The following DNAH6 variants were observed in gnomAD, a reference collection of about 807,000 sequenced individuals.
DNAH6 encodes axonemal beta dynein heavy chain 6.
In DNAH6, 340 loss-of-function variants were observed where a neutral mutation model predicts 491.4. The observed-to-expected ratio is 0.69, with a 90% CI of 0.63 to 0.76. DNAH6 has a LOEUF of 0.76. Among genes scored for constraint, DNAH6 ranks in the 30% least tolerant of loss-of-function variants. The pLI, the probability that DNAH6 is intolerant of heterozygous loss-of-function variation, is 0.00. For synonymous variants in DNAH6, 1,603 were observed against 1,686.1 expected, an observed-to-expected ratio of 0.95 and a Z score of 1.21; for missense variants, 4,443 against 4,972.2, an observed-to-expected ratio of 0.89 and a Z score of 3.20.
intron 53 of DNAH6, among the ~76,000 whole-genome samples, 156 bp from the exon 54 acceptor site, chr2:84,707,364 G>T (rs990935508): frequency 4.6e-5 from 7 of 152,216 alleles, no homozygotes; most frequent in African/African-American, 1.4e-4. Context: ...TCTGAAATGG[G>T]AATTAATGCT....
chr2:84,672,390 G>A lies in DNAH6; in HGVS notation c.6518G>A (p.Arg2173His), dbSNP rs1692820192. The A allele has an allele frequency of 5.2e-6, 8 of 1,551,614 alleles. No homozygotes were observed. The highest frequency in any genetic ancestry group is 2.0e-5 in the Admixed American group (1 of 50,996). ...VDDLNMPRLD[R>H]YGSQPPIELL... Reference sequence around the variant, plus strand: ...GATTTAAACATGCCCAGACTGGATCGCTATGGCTCTCAGCCTCCGATTGAA... The same window carrying A: ...GATTTAAACATGCCCAGACTGGATCACTATGGCTCTCAGCCTCCGATTGAA... The change falls in exon 40 of 77, where the codon CGC (arginine) becomes CAC (histidine). Residue 2173 changes from arginine (R) to histidine (H), a missense_variant. Around this residue, in one of 3 missense-constraint regions of DNAH6, gnomAD observed 2,977 missense variants for 3,296.6 expected, o/e 0.90. Transcript: ENST00000389394.
At chr2:84,782,670 C>T (rs547784692) in intron 65 of DNAH6, among the ~76,000 whole-genome samples, 11 of 152,278 alleles carry the variant, frequency 7.2e-5, no homozygotes, top group Admixed American at 1.3e-4. Flanking sequence ...CCACTATTTC[C>T]ACTCTTTTGC....
chr2:84,554,568 A>T (rs1170587477), intron 10 of DNAH6, among the ~76,000 whole-genome samples: 2 of 152,188 alleles, frequency 1.3e-5, no homozygotes, highest in African/African-American at 2.4e-5. Flanking sequence ...GACTTTAGGA[A>T]AACCGCTTCT....
intron 68 of DNAH6, among the ~76,000 whole-genome samples, chr2:84,789,489 G>T (rs1005090366): frequency 4.6e-5 from 7 of 152,188 alleles, no homozygotes; most frequent in Non-Finnish European, 4.4e-5. Context: ...GGCTTTACCA[G>T]TACAATCCTG....
chr2:84,767,601 C>A (rs1308461305), intron 64 of DNAH6, among the ~76,000 whole-genome samples: 1 of 151,674 alleles, frequency 6.6e-6, no homozygotes, highest in Non-Finnish European at 1.5e-5. Context: ...AGTAAGAATT[C>A]AATATATCAA....
chr2:84,673,298 T>G (rs966487813), intron 40 of DNAH6, among the ~76,000 whole-genome samples: 1 of 151,994 alleles, frequency 6.6e-6, no homozygotes, highest in Non-Finnish European at 1.5e-5. Context: ...ATTTATCCTG[T>G]AAGTGCTGAG....
intron 45 of DNAH6, among the ~76,000 whole-genome samples, chr2:84,690,590 C>A (rs1439427571): frequency 6.6e-6 from 1 of 152,148 alleles, no homozygotes; most frequent in African/African-American, 2.4e-5. Flanking sequence ...AATTACCAGG[C>A]CCCTCAAGGT....
chr2:84,800,167 A>C (rs1678754572), intron 70 of DNAH6, among the ~76,000 whole-genome samples: 1 of 152,190 alleles, frequency 6.6e-6, no homozygotes, highest in Admixed American at 6.5e-5. Context: ...TGCCCCTCTG[A>C]AAGCACCCAG....
rs1197727474 is a variant in DNAH6, at chr2:84,808,520, A to G, written c.11717A>G (p.Asn3906Ser). The change falls in exon 72 of 77, where the codon AAC becomes AGC. Residue 3906 changes from asparagine (N) to serine (S), a missense_variant. This residue lies in a region of DNAH6 where 1,463 missense variants were observed against 1,656.6 expected (regional missense o/e 0.88). Coordinates refer to ENST00000389394, the MANE Select transcript of DNAH6 (RefSeq NM_001370.2). ...TVLGQEVDRF[N>S]NLLKLIHTSL... The stretch of plus-strand genomic sequence containing the variant: ...CTTGGACAGGAAGTGGACCGGTTTA[A>G]CAACCTGCTGAAGTTAATTCATGTA... The G allele has an allele frequency of 6.4e-7, 1 of 1,551,820 alleles. No individual in the cohort carries two copies. The highest frequency in any genetic ancestry group is 2.0e-5 in the Admixed American group (1 of 50,986).
At chr2:84,775,995 A>C (rs1370307686) in intron 64 of DNAH6, among the ~76,000 whole-genome samples, 2 of 152,036 alleles carry the variant, frequency 1.3e-5, no homozygotes, top group East Asian at 3.9e-4. Flanking sequence ...TTTGCTGTTC[A>C]AGGTTTATTG....
chr2:84,521,069 T>C (rs1025937439), intron 2 of DNAH6, among the ~76,000 whole-genome samples: 12 of 152,068 alleles, frequency 7.9e-5, no homozygotes, highest in Admixed American at 7.2e-4. Context: ...ATACTCTCCA[T>C]CTAGCTTTTT....
At chr2:84,542,962 C>T (rs1327390104) in intron 4 of DNAH6, among the ~76,000 whole-genome samples, 1 of 152,098 alleles carries the variant, frequency 6.6e-6, no homozygotes, top group East Asian at 1.9e-4. Flanking sequence ...AGTTCGAGAC[C>T]AGCCTGGTCA....
At chr2:84,601,742 A>G (rs1476523042) in intron 18 of DNAH6, among the ~76,000 whole-genome samples, 2 of 151,994 alleles carry the variant, frequency 1.3e-5, no homozygotes, top group African/African-American at 4.8e-5. Flanking sequence ...TGAATCTACC[A>G]TCTTGCTAGC....
chr2:84,595,014 T>C (rs1684442487), intron 17 of DNAH6, among the ~76,000 whole-genome samples: 1 of 152,182 alleles, frequency 6.6e-6, no homozygotes, highest in African/African-American at 2.4e-5. Context: ...GATTTTCTGA[T>C]TACCACCATG....
intron 49 of DNAH6, among the ~76,000 whole-genome samples, chr2:84,702,962 C>A (rs767848936): frequency 3.3e-5 from 5 of 152,168 alleles, no homozygotes; most frequent in African/African-American, 4.8e-5. Flanking sequence ...AATCCAGCAG[C>A]TAGAGCTACA....
At chr2:84,553,551 C>T (rs1679714016) in intron 10 of DNAH6, among the ~76,000 whole-genome samples, 1 of 151,342 alleles carries the variant, frequency 6.6e-6, no homozygotes, top group South Asian at 2.1e-4. Context: ...CAGCCTCAAC[C>T]TCCAAGGCTC....
At chr2:84,689,649 G>C (rs1234062815) in intron 45 of DNAH6, among the ~76,000 whole-genome samples, 1 of 152,194 alleles carries the variant, frequency 6.6e-6, no homozygotes, top group Non-Finnish European at 1.5e-5. Context: ...CTTCTAGTCA[G>C]TGCAGTCATA....
chr2:84,810,850 C>T (rs985111037), intron 72 of DNAH6, among the ~76,000 whole-genome samples: 1 of 152,230 alleles, frequency 6.6e-6, no homozygotes, highest in African/African-American at 2.4e-5. Flanking sequence ...CTTAATACAT[C>T]TGTGTGTTGG....
chr2:84,600,575 A>T (rs1206943606), intron 18 of DNAH6, among the ~76,000 whole-genome samples: 2 of 152,150 alleles, frequency 1.3e-5, no homozygotes, highest in East Asian at 3.8e-4. Flanking sequence ...GTACTGGTCA[A>T]GTAATTTGTA....
Sources: gnomAD v4.1 joint callset for allele counts (sites outside exome capture counted in the v4.1 genomes callset) on GRCh38, gnomAD v4.1.1 for gene constraint, gnomAD v4.1.1 regional missense constraint, MANE v1.5 for transcripts, NCBI Gene and HGNC (gene_info 2026-07-23, HGNC 2026-07-21) for gene names.